The following TEX11 variants were observed in gnomAD, a reference collection of about 807,000 sequenced individuals.
TEX11 encodes testis-expressed protein 11.
Under a neutral mutation model 84.4 loss-of-function variants are expected in TEX11, and 7 were observed. The ratio of observed to expected loss-of-function variants is 0.08; its 90% CI spans 0.05 to 0.16. The LOEUF is 0.16. Ranked by LOEUF, TEX11 falls within the 10% of genes least tolerant of loss-of-function variation. The pLI is 1.00. For synonymous variants in TEX11, 264 were observed against 222.8 expected, an observed-to-expected ratio of 1.18 and a Z score of -1.64; for missense variants, 551 against 660.5, an observed-to-expected ratio of 0.83 and a Z score of 1.82.
At chrX:70,566,742 T>C (rs1323767720) in intron 25 of TEX11, among the ~76,000 whole-genome samples, 2 of 111,660 alleles carry the variant, frequency 1.8e-5, no homozygotes, top group African/African-American at 3.3e-5. Flanking sequence ...CCTTGCATCC[T>C]AGGGATGAAG....
chrX:70,825,081 A>G (rs1191038355), intron 8 of TEX11, among the ~76,000 whole-genome samples: 1 of 111,158 alleles, frequency 9.0e-6, no homozygotes, highest in Non-Finnish European at 1.9e-5. Context: ...TAGGAGGCGG[A>G]GGCGGGCAGA....
intron 9 of TEX11, among the ~76,000 whole-genome samples, chrX:70,805,982 T>C (rs2091216822): frequency 8.9e-6 from 1 of 111,935 alleles, no homozygotes; most frequent in Non-Finnish European, 1.9e-5. Flanking sequence ...GATATTAAAA[T>C]GCCAAAATTC....
intron 2 of TEX11, among the ~76,000 whole-genome samples, chrX:70,893,210 A>G (rs1420491434): frequency 9.0e-6 from 1 of 111,718 alleles, no homozygotes; most frequent in African/African-American, 3.3e-5. Context: ...GCTAATAGAC[A>G]TCTACAGAAC....
At chrX:70,832,255 G>T (rs2091381062) in intron 8 of TEX11, among the ~76,000 whole-genome samples, 1 of 111,724 alleles carries the variant, frequency 9.0e-6, no homozygotes, top group Admixed American at 9.6e-5. Flanking sequence ...AAACTGCCAA[G>T]ATCATGAATA....
chrX:70,694,234 G>C (rs1369565570), intron 13 of TEX11, among the ~76,000 whole-genome samples: 1 of 110,802 alleles, frequency 9.0e-6, no homozygotes, highest in East Asian at 2.8e-4. Flanking sequence ...TAGTACAGAC[G>C]AGGTTTCACC....
intron 11 of TEX11, among the ~76,000 whole-genome samples, chrX:70,728,635 G>A (rs767970674): frequency 1.4e-4 from 16 of 110,852 alleles, no homozygotes; most frequent in Admixed American, 3.9e-4. Context: ...CACCATTGCC[G>A]AGGCCTGAGT....
intron 8 of TEX11, among the ~76,000 whole-genome samples, chrX:70,829,252 C>G (rs1602161528): frequency 9.0e-6 from 1 of 111,431 alleles, no homozygotes; most frequent in East Asian, 2.8e-4. Flanking sequence ...GAGGCCGAGG[C>G]AGGTGGATCG....
At chrX:70,576,299 TTATC>T (rs1289312619) in intron 25 of TEX11, among the ~76,000 whole-genome samples, 2 of 112,081 alleles carry the variant, frequency 1.8e-5, no homozygotes, top group Admixed American at 1.9e-4. Flanking sequence ...TTCCCTCAAT[TTATC>T]TATTTGCAGT....
intron 28 of TEX11, among the ~76,000 whole-genome samples, chrX:70,535,332 G>C (rs1410955178): frequency 1.8e-5 from 2 of 112,217 alleles, no homozygotes; most frequent in African/African-American, 6.5e-5. Flanking sequence ...ACACCTACCA[G>C]TGGAATTTCT....
chrX:70,852,429 A>G (rs975135009), intron 7 of TEX11, among the ~76,000 whole-genome samples: 3 of 111,958 alleles, frequency 2.7e-5, no homozygotes, highest in African/African-American at 9.7e-5. Context: ...GGCTCAAGCA[A>G]TCTTTCCGCT....
the TEX11 span, among the ~76,000 whole-genome samples, chrX:70,523,769 C>CT: frequency 0.16 from 14,941 of 90,887 alleles, 1,611 homozygotes; most frequent in African/African-American, 0.33. Flanking sequence ...TGGCCCCCCT[C>CT]TTTTTTTTTT....
At chrX:70,732,888 C>G (rs763361603) in intron 11 of TEX11, among the ~76,000 whole-genome samples, 1 of 112,058 alleles carries the variant, frequency 8.9e-6, no homozygotes, top group African/African-American at 3.2e-5. Flanking sequence ...ATCACGCTAC[C>G]TGACTTCAAA....
chrX:70,873,943 T>C (rs1375167196), intron 3 of TEX11, among the ~76,000 whole-genome samples: 2 of 111,653 alleles, frequency 1.8e-5, no homozygotes, highest in African/African-American at 6.5e-5. Context: ...ATCCCCAATG[T>C]TGGATGTGGG....
chrX:70,548,234 T>G (rs2088162204), intron 28 of TEX11, among the ~76,000 whole-genome samples: 1 of 97,523 alleles, frequency 1.0e-5, no homozygotes, highest in Non-Finnish European at 2.0e-5. Flanking sequence ...CACATGGACA[T>G]AGGAAGGGGA....
chrX:70,579,207 G>A (rs2088727587), intron 25 of TEX11, among the ~76,000 whole-genome samples: 1 of 109,754 alleles, frequency 9.1e-6, no homozygotes, highest in Non-Finnish European at 1.9e-5. Flanking sequence ...CAAGAAACTG[G>A]GCCGGGCGCG....
intron 9 of TEX11, among the ~76,000 whole-genome samples, chrX:70,780,882 G>A: frequency 8.9e-6 from 1 of 112,519 alleles, no homozygotes; most frequent in Non-Finnish European, 1.9e-5. Flanking sequence ...GGACAGGGCA[G>A]AGCTGAACAA....
At chrX:70,844,659 C>A (rs1269480661) in intron 7 of TEX11, among the ~76,000 whole-genome samples, 2 of 111,466 alleles carry the variant, frequency 1.8e-5, no homozygotes, top group Non-Finnish European at 3.8e-5. Flanking sequence ...GTGGCTCATA[C>A]CTGTAGTCCC....
intron 8 of TEX11, among the ~76,000 whole-genome samples, chrX:70,812,479 T>A (rs1480327385): frequency 9.0e-6 from 1 of 111,192 alleles, no homozygotes; most frequent in African/African-American, 3.3e-5. Flanking sequence ...AGTGCTGGGA[T>A]TACAGGCATG....
rs368129710 is a variant in TEX11 at position 70,834,604 on chromosome X, CAAACAAAACAAAACA to C, written c.526-1026_526-1012del. Among the ~76,000 whole-genome samples, 5 of 108,668 alleles carry C rather than the reference CAAACAAAACAAAACA, an allele frequency of 4.6e-5. No homozygotes were observed. The East Asian group carries it at 8.9e-4, about 19-fold the overall frequency. 94.4% of individuals were successfully genotyped at this position (108,668 alleles called of 115,157 possible). ...AATCCCGTCTCTACCAAAAAACAAA[CAAACAAAACAAAACA>C]AAACAAAACAAAACAACCCAAACAC... is the stretch of plus-strand genomic sequence containing the variant. On this transcript the variant is annotated intron_variant, in intron 7 of 29. Transcript: ENST00000374333.
Sources: gnomAD v4.1 joint callset for allele counts (sites outside exome capture counted in the v4.1 genomes callset) on GRCh38, gnomAD v4.1.1 for gene constraint, MANE v1.5 for transcripts, NCBI Gene and HGNC (gene_info 2026-07-23, HGNC 2026-07-21) for gene names.